Variants in ZNF160 observed in about 807,000 individuals in gnomAD.
The protein encoded by ZNF160 is zinc finger protein 160, also known as KRAB zinc finger protein KR18.
Under a neutral mutation model 13.1 loss-of-function variants are expected in ZNF160, and 9 were observed. That is an observed-to-expected ratio of 0.69 (90% CI 0.41 to 1.20). The LOEUF is 1.20. ZNF160 is among the 50% of genes most tolerant of loss of function. The pLI is 0.01. For synonymous variants in ZNF160, 293 were observed against 333.2 expected, an observed-to-expected ratio of 0.88 and a Z score of 1.31; for missense variants, 838 against 988.0, an observed-to-expected ratio of 0.85 and a Z score of 2.04.
At chr19:53,101,188 G>T (rs905900473) in intron 1 of ZNF160, among the ~76,000 whole-genome samples, 12 of 152,242 alleles carry the variant, frequency 7.9e-5, no homozygotes, top group African/African-American at 2.9e-4. Context: ...GCTGAGGCAG[G>T]AGAATCACTT....
rs764180451 is a variant in ZNF160, at chr19:53,070,166, C to T, written c.368G>A (p.Ser123Asn). The T allele has an allele frequency of 5.6e-6, 9 of 1,613,956 alleles. No individual in the cohort carries two copies. The African/African-American group carries it at 8.0e-5, about 14-fold the overall frequency. The change falls in exon 6 of 6, where the codon AGC becomes AAC. Residue 123 changes from serine (S) to asparagine (N), a missense_variant. This residue lies in a region of ZNF160 where 387 missense variants were observed against 402.3 expected (regional missense o/e 0.96). Transcript: ENST00000683776. ...FHTVVLERHE[S>N]PDIEDFSFKE... ...GAAGGAAAAGTCTTCAATGTCAGGG[C>T]TTTCGTGTCTTTCCAACACCACTGT...
chr19:53,080,107 CT>C (rs60598879), intron 3 of ZNF160, among the ~76,000 whole-genome samples: 61,735 of 140,758 alleles, frequency 0.44, 14,473 homozygotes, highest in African/African-American at 0.66. Flanking sequence ...ATCAGCAGTA[CT>C]TTTTTTTTTT....
chr19:53,072,850 T>TA (rs202182698), intron 5 of ZNF160: 1,296 of 666,336 alleles, frequency 1.9e-3, no homozygotes, highest in Non-Finnish European at 2.2e-3. Flanking sequence ...AAACTTCATT[T>TA]AAAAAAAAAA....
rs1406527672 is a variant in ZNF160 at position 53,086,084 on chromosome 19, T to C, written c.15+178A>G. 3 of 1,364,000 alleles carry C rather than the reference T, an allele frequency of 2.2e-6. No homozygotes were observed. The South Asian group carries it at 3.7e-5, about 17-fold the overall frequency. 84.5% of individuals were successfully genotyped at this position (1,364,000 alleles called of 1,614,324 possible). On this transcript the variant is annotated intron_variant, in intron 3 of 5. Coordinates refer to ENST00000683776, the MANE Select transcript of ZNF160 (RefSeq NM_001322131.2). ...CCAGTGCAGCCTCTTCCCAAGTTCA[T>C]GTCACTGGATCACGGGAGATGGAAT...
rs2085032469 is a variant in ZNF160, at chr19:53,091,479, C to CCG, written c.-113_-112insCG. 1 of 151,884 alleles carries CCG rather than the reference C, an allele frequency of 6.6e-6. No individual in the cohort carries two copies. Among genetic ancestry groups the CCG allele is most frequent in the Non-Finnish European group, 1.5e-5 (1 of 68,088 alleles). 9.4% of individuals were successfully genotyped at this position (151,884 alleles called of 1,614,324 possible). ...CAAGAAGAGCTGGGTCCCCTGTAGG[C>CCG]GGGGCCCGGGGCAGGCGCCTCGTGC... On this transcript the variant is annotated 5_prime_UTR_variant, in exon 2 of 6. Coordinates refer to ENST00000683776, the MANE Select transcript of ZNF160 (RefSeq NM_001322131.2).
intron 1 of ZNF160, among the ~76,000 whole-genome samples, chr19:53,098,761 C>T (rs1223406714): frequency 1.3e-5 from 2 of 151,498 alleles, no homozygotes; most frequent in South Asian, 4.2e-4. Flanking sequence ...AGGCAAAGCC[C>T]CTGCCCAGGA....
intron 5 of ZNF160, among the ~76,000 whole-genome samples, chr19:53,070,665 C>T (rs1050900309): frequency 4.6e-5 from 7 of 152,258 alleles, no homozygotes; most frequent in South Asian, 4.1e-4. Context: ...CCGCCTGCCT[C>T]GGCCTCCCAA....
In ZNF160 at chr19:53,068,816, A is replaced by C; in HGVS notation, c.1718T>G (p.Val573Gly). Residue 573 changes from valine (V) to glycine (G), a missense_variant, in exon 6 of 6, where the codon GTC becomes GGC. This residue lies in a region of ZNF160 where 400 missense variants were observed against 538.9 expected (regional missense o/e 0.74). Transcript: ENST00000683776. The stretch of plus-strand genomic sequence containing the variant: ...TGCAAGTTGTGATGTTTGAGCGAAG[A>C]CTTTACCACATTCATTACACTTGTA... ...KPYKCNECGK[V>G]FAQTSQLARH... The C allele has an allele frequency of 6.2e-7, 1 of 1,612,572 alleles. No homozygotes were observed. The highest frequency in any genetic ancestry group is 8.5e-7 in the Non-Finnish European group (1 of 1,178,882).
Position 53,086,825 on chromosome 19 carries a change from C to T in ZNF160, c.-45-504G>A, listed in dbSNP as rs140942671. ...GGGCACAAGAGATGTTTCTGCAAAACGCCTAGGCACTCTAATATGAAGCCA... is the reference window on the plus strand; with the variant it reads ...GGGCACAAGAGATGTTTCTGCAAAATGCCTAGGCACTCTAATATGAAGCCA... On this transcript the variant is annotated intron_variant, in intron 2 of 5. Coordinates refer to ENST00000683776, the MANE Select transcript of ZNF160 (RefSeq NM_001322131.2). Among the ~76,000 whole-genome samples the T allele has an allele frequency of 5.8e-3, 883 of 152,282 alleles. 4 individuals are homozygous for T. Among genetic ancestry groups the T allele is most frequent in the Non-Finnish European group, 8.4e-3 (573 of 68,028 alleles).
Position 53,068,418 on chromosome 19 carries a change from G to C in ZNF160, c.2116C>G (p.Arg706Gly). The change falls in exon 6 of 6, where the codon CGA (arginine) becomes GGA (glycine). Residue 706 changes from arginine to glycine, a missense_variant. Arg to Gly is a moderately radical substitution (Grantham distance 125). Transcript: ENST00000683776. ...QRTHTGEKPY[R>G]CNECGKAFSV... Reference sequence around the variant, plus strand: ...AAGGCTTTCCCACACTCATTGCATCGGTAAGGTTTCTCTCCGGTGTGAGTC... The same window carrying C: ...AAGGCTTTCCCACACTCATTGCATCCGTAAGGTTTCTCTCCGGTGTGAGTC... 2 of 1,607,070 alleles carry C rather than the reference G, an allele frequency of 1.2e-6. No homozygotes were observed. The highest frequency in any genetic ancestry group is 1.7e-6 in the Non-Finnish European group (2 of 1,177,288).
intron 1 of ZNF160, among the ~76,000 whole-genome samples, chr19:53,093,862 A>T (rs2085124486): frequency 6.6e-6 from 1 of 152,230 alleles, no homozygotes; most frequent in African/African-American, 2.4e-5. Context: ...CACATAAGAG[A>T]CATCATTAAC....
rs1417888308 is a variant in ZNF160, at chr19:53,069,622, C to T, written c.912G>A (p.Gln304=). Reference sequence around the variant, plus strand: ...AAGGTTTTTCTCCAGTATGGATGACCTGATGAATAGTTAGATTTGAACGAA... The same window carrying T: ...AAGGTTTTTCTCCAGTATGGATGACTTGATGAATAGTTAGATTTGAACGAA... The part of the protein sequence containing the change: ...FTVRSNLTIH[Q]VIHTGEKPYK... Residue 304 remains glutamine (Q), a synonymous_variant, in exon 6 of 6, where the codon CAG becomes CAA. Coordinates refer to ENST00000683776, the MANE Select transcript of ZNF160 (RefSeq NM_001322131.2). The surrounding 1 kb of genome is among the most constrained non-coding windows in gnomAD (Gnocchi z 4.4). 1 of 1,614,040 alleles carries T rather than the reference C, an allele frequency of 6.2e-7. No individual in the cohort carries two copies. The highest frequency in any genetic ancestry group is 2.2e-5 in the East Asian group (1 of 44,898).
intron 4 of ZNF160, among the ~76,000 whole-genome samples, chr19:53,074,669 C>CAA (rs55829838): frequency 0.36 from 44,637 of 123,090 alleles, 8,578 homozygotes; most frequent in East Asian, 0.51. Flanking sequence ...GACTCCGCCT[C>CAA]AAAAAAAAAA....
rs267605649 is a variant in ZNF160, at chr19:53,068,812, G to A, written c.1722C>T (p.Phe574=). The A allele has an allele frequency of 6.8e-5, 110 of 1,612,524 alleles. 1 individual carries two copies. The highest frequency in any genetic ancestry group is 1.2e-4 in the South Asian group (11 of 91,040). Residue 574 remains phenylalanine (F), a synonymous_variant, in exon 6 of 6, where the codon TTC becomes TTT. Transcript: ENST00000683776. Reference sequence around the variant, plus strand: ...GCCTTGCAAGTTGTGATGTTTGAGCGAAGACTTTACCACATTCATTACACT... The same window carrying A: ...GCCTTGCAAGTTGTGATGTTTGAGCAAAGACTTTACCACATTCATTACACT... ...PYKCNECGKV[F]AQTSQLARHW...
chr19:53,091,193 A>G (rs1250895927), intron 2 of ZNF160: 1 of 152,138 alleles, frequency 6.6e-6, no homozygotes, highest in Non-Finnish European at 1.5e-5. Context: ...TACTAAATAT[A>G]TATAAAAAAA....
At chr19:53,086,111 T>C in intron 3 of ZNF160, 151 bp downstream of exon 3, 1 of 1,340,100 alleles carries the variant, frequency 7.5e-7, no homozygotes, top group Non-Finnish European at 1.0e-6. Flanking sequence ...AGATGGAATC[T>C]AAACGAGATG....
At chr19:53,090,630 C>G (rs1200255084) in intron 2 of ZNF160, among the ~76,000 whole-genome samples, 1 of 152,146 alleles carries the variant, frequency 6.6e-6, no homozygotes, top group Admixed American at 6.5e-5. Context: ...TCCTTCAACG[C>G]TGGGTCAGAG....
chr19:53,095,771 G>A (rs2085210737), intron 1 of ZNF160: 1 of 149,450 alleles, frequency 6.7e-6, no homozygotes, highest in Non-Finnish European at 1.5e-5. Context: ...GGAATCCTAA[G>A]CACAATTATA....
At chr19:53,097,740 C>T (rs1292913332) in intron 1 of ZNF160, among the ~76,000 whole-genome samples, 1 of 152,222 alleles carries the variant, frequency 6.6e-6, no homozygotes, top group Non-Finnish European at 1.5e-5. Flanking sequence ...TGATCTGCAA[C>T]TGAAAATACC....
Sources: gnomAD v4.1 joint callset for allele counts (sites outside exome capture counted in the v4.1 genomes callset) on GRCh38, gnomAD v4.1.1 for gene constraint, gnomAD v4.1.1 regional missense constraint, Gnocchi (gnomAD v3.1) non-coding constraint, MANE v1.5 for transcripts, NCBI Gene and HGNC (gene_info 2026-07-23, HGNC 2026-07-21) for gene names.